Variants in HMGA2 observed in about 807,000 individuals in gnomAD.
The protein encoded by HMGA2 is high mobility group AT-hook 2.
Under a neutral mutation model 19.1 loss-of-function variants are expected in HMGA2, and 8 were observed. That is an observed-to-expected ratio of 0.42 (90% confidence interval 0.25 to 0.76). HMGA2 has a LOEUF of 0.76. Among genes scored for constraint, HMGA2 ranks in the 30% least tolerant of loss-of-function variants. HMGA2 has a pLI of 0.28. For synonymous variants in HMGA2, 60 were observed against 48.8 expected (o/e 1.23, Z -0.96); for missense variants, 109 against 136.3 (o/e 0.80, Z 1.00).
chr12:65,830,158 A>G (rs1870417052), intron 2 of HMGA2, among the ~76,000 whole-genome samples: 1 of 152,000 alleles, frequency 6.6e-6, no homozygotes, highest in East Asian at 1.9e-4. Flanking sequence ...TTTATAAATT[A>G]CGCTTCATCT....
chr12:65,934,652 C>T (rs1269297113), intron 3 of HMGA2: 1 of 152,194 alleles, frequency 6.6e-6, no homozygotes, highest in African/African-American at 2.4e-5. Flanking sequence ...CACTTTTGTT[C>T]TGATGCTTAC....
At chr12:65,945,785 C>T (rs566466312) in intron 3 of HMGA2, among the ~76,000 whole-genome samples, 35 of 152,076 alleles carry the variant, frequency 2.3e-4, no homozygotes, top group South Asian at 1.0e-3. Flanking sequence ...TATAAATAAC[C>T]GGTCAATTTT....
chr12:65,944,179 A>G (rs1876182441), intron 3 of HMGA2, among the ~76,000 whole-genome samples: 1 of 152,202 alleles, frequency 6.6e-6, no homozygotes, highest in Non-Finnish European at 1.5e-5. Context: ...ATCACTTACT[A>G]TTGTAGAATA....
Position 65,905,016 on chromosome 12 carries a change from T to C in HMGA2, c.250-46367T>C, listed in dbSNP as rs564073246. ...AAGATCGCGCCACTGCACTCCAGCCTGGACAACAGAGCAAGACTCCATCTC... is the reference window on the plus strand; with the variant it reads ...AAGATCGCGCCACTGCACTCCAGCCCGGACAACAGAGCAAGACTCCATCTC... On this transcript the variant is annotated intron_variant, in intron 3 of 4. Transcript: ENST00000403681. Among the ~76,000 whole-genome samples the C allele has an allele frequency of 5.9e-5, 9 of 151,994 alleles. No individual in the cohort carries two copies. In the South Asian group the frequency reaches 1.9e-3, roughly 32 times the overall value.
intron 3 of HMGA2, among the ~76,000 whole-genome samples, chr12:65,918,745 G>A (rs1354316673): frequency 6.6e-6 from 1 of 152,200 alleles, no homozygotes; most frequent in Non-Finnish European, 1.5e-5. Context: ...ACATCTGTAT[G>A]TAACTTTTTA....
At chr12:65,899,524 G>A (rs890136782) in intron 3 of HMGA2, among the ~76,000 whole-genome samples, 1 of 152,180 alleles carries the variant, frequency 6.6e-6, no homozygotes, top group African/African-American at 2.4e-5. Context: ...GAGTAGAGGG[G>A]GATGAGGGTT....
intron 3 of HMGA2, among the ~76,000 whole-genome samples, chr12:65,923,110 T>C (rs1421962894): frequency 6.6e-6 from 1 of 152,088 alleles, no homozygotes. Flanking sequence ...GTTTCTTCAA[T>C]TGGAAACGAG....
chr12:65,875,781 A>G (rs1264801201), intron 3 of HMGA2, among the ~76,000 whole-genome samples: 1 of 151,536 alleles, frequency 6.6e-6, no homozygotes, highest in African/African-American at 2.4e-5. Context: ...AGGCCTACGT[A>G]TGCCATTAGT....
intron 3 of HMGA2, chr12:65,842,286 T>G: frequency 3.8e-5 from 22 of 581,162 alleles, no homozygotes; most frequent in Non-Finnish European, 5.4e-5. Flanking sequence ...AAGGATTAAA[T>G]GAGATAATGC....
Position 65,965,758 on chromosome 12 carries a change from T to C in HMGA2, c.*2466T>C, listed in dbSNP as rs1876890484. 1 of 222,244 alleles carries C rather than the reference T, an allele frequency of 4.5e-6. No individual in the cohort carries two copies. The highest frequency in any genetic ancestry group is 9.0e-6 in the Non-Finnish European group (1 of 110,938). The allele number at this position is 222,244 out of a possible 1,614,324, so 13.8% of individuals were successfully genotyped here. On this transcript the variant is annotated 3_prime_UTR_variant, in exon 5 of 5. Coordinates refer to ENST00000403681, the MANE Select transcript of HMGA2 (RefSeq NM_003483.6). Reference sequence around the variant, plus strand: ...AACATGGTGCACCGAGTGATTTCCATCTCTGGTAAAGTTACACTTTTATTT... The same window carrying C: ...AACATGGTGCACCGAGTGATTTCCACCTCTGGTAAAGTTACACTTTTATTT...
chr12:65,941,643 CTCTT>C (rs1487000503), intron 3 of HMGA2, among the ~76,000 whole-genome samples: 3 of 152,198 alleles, frequency 2.0e-5, no homozygotes, highest in Non-Finnish European at 4.4e-5. Flanking sequence ...AATGTACTGA[CTCTT>C]TCCTTAAGGA....
At chr12:65,848,456 G>T (rs1167554660) in intron 3 of HMGA2, among the ~76,000 whole-genome samples, 1 of 152,134 alleles carries the variant, frequency 6.6e-6, no homozygotes, top group East Asian at 1.9e-4. Flanking sequence ...AAGGCAGTAG[G>T]GTGTACAACT....
intron 3 of HMGA2, among the ~76,000 whole-genome samples, chr12:65,866,238 C>T (rs1215839191): frequency 2.0e-5 from 3 of 152,114 alleles, no homozygotes; most frequent in Non-Finnish European, 4.4e-5. Context: ...CTTAAGGTCC[C>T]TAGTCTTGTG....
At chr12:65,902,702 G>T (rs995216754) in intron 3 of HMGA2, among the ~76,000 whole-genome samples, 1 of 152,038 alleles carries the variant, frequency 6.6e-6, no homozygotes, top group East Asian at 1.9e-4. Context: ...AGTATGTTTT[G>T]GTATCTTTTT....
intron 3 of HMGA2, among the ~76,000 whole-genome samples, chr12:65,875,231 G>A (rs1243634298): frequency 6.6e-6 from 1 of 152,052 alleles, no homozygotes; most frequent in African/African-American, 2.4e-5. Flanking sequence ...TTGTCTTACT[G>A]GCAATAATAC....
chr12:65,892,382 G>A (rs1167164737), intron 3 of HMGA2, among the ~76,000 whole-genome samples: 1 of 152,116 alleles, frequency 6.6e-6, no homozygotes, highest in East Asian at 1.9e-4. Flanking sequence ...TGATTTTATT[G>A]CTTGAGTCAC....
At chr12:65,914,259 T>A (rs1457466799) in intron 3 of HMGA2, among the ~76,000 whole-genome samples, 3 of 152,046 alleles carry the variant, frequency 2.0e-5, no homozygotes, top group Admixed American at 6.6e-5. Context: ...TCCAACAATG[T>A]TAGACTGGAT....
intron 3 of HMGA2, among the ~76,000 whole-genome samples, chr12:65,931,652 T>C (rs1401828817): frequency 1.3e-5 from 2 of 151,994 alleles, no homozygotes; most frequent in African/African-American, 2.4e-5. Context: ...AGCATACAAA[T>C]TGCTGATTAG....
intron 3 of HMGA2, among the ~76,000 whole-genome samples, chr12:65,949,389 CAG>C (rs1405791175): frequency 6.6e-6 from 1 of 151,690 alleles, no homozygotes; most frequent in East Asian, 1.9e-4. Flanking sequence ...AATGAATGAA[CAG>C]GGGCTAGTGA....
Sources: gnomAD v4.1 joint callset for allele counts (sites outside exome capture counted in the v4.1 genomes callset) on GRCh38, gnomAD v4.1.1 for gene constraint, MANE v1.5 for transcripts, NCBI Gene and HGNC (gene_info 2026-07-23, HGNC 2026-07-21) for gene names.